CLGN: variants seen among roughly 807,000 people sequenced by gnomAD.
CLGN encodes the protein calmegin, also known as testis tissue sperm-binding protein Li 79P.
A neutral mutation model predicts 79.1 loss-of-function variants in CLGN; 62 were observed. That is an observed-to-expected ratio of 0.78 (90% CI 0.64 to 0.97). CLGN has a LOEUF of 0.97. CLGN is among the 50% of genes least tolerant of loss of function. The pLI is 0.00. For missense variants in CLGN, 647 were observed against 715.5 expected, an observed-to-expected ratio of 0.90 and a Z score of 1.09; for synonymous variants, 225 against 224.7, an observed-to-expected ratio of 1.00 and a Z score of -0.01.
intron 5 of CLGN, among the ~76,000 whole-genome samples, chr4:140,403,329 T>G (rs1386823805): frequency 1.3e-5 from 2 of 152,188 alleles, no homozygotes; most frequent in African/African-American, 4.8e-5. Context: ...GTTATGATGA[T>G]TAAAGGATAT....
chr4:140,395,782 T>A (rs746939880), intron 10 of CLGN, 37 bp downstream of exon 10: 1 of 1,354,578 alleles, frequency 7.4e-7, no homozygotes, highest in Non-Finnish European at 9.6e-7. Context: ...CACAACATTT[T>A]TAACTTCACT....
At chr4:140,413,486 T>C (rs1347100367) in intron 1 of CLGN, among the ~76,000 whole-genome samples, 3 of 152,076 alleles carry the variant, frequency 2.0e-5, no homozygotes, top group Admixed American at 6.5e-5. Context: ...TGGGCGCAGG[T>C]CAGTGGGTGC....
At position 140,412,867 on chromosome 4, in the gene CLGN, C is replaced by G. The variant is rs547817691; in HGVS notation, c.144+68G>C. ...AGATTATTTGAACTGAAATGAATCA[C>G]CAGAGGTCAATCACTTCATTGTACT... On this transcript the variant is annotated intron_variant, in intron 2 of 14. Transcript: ENST00000325617. The G allele has an allele frequency of 2.3e-4, 297 of 1,318,832 alleles. 1 individual carries two copies. In the East Asian group the frequency reaches 5.3e-3, roughly 24 times the overall value. 81.7% of individuals were successfully genotyped at this position (1,318,832 alleles called of 1,614,324 possible).
chr4:140,402,999 T>C (rs1367005172), intron 5 of CLGN, among the ~76,000 whole-genome samples: 1 of 152,078 alleles, frequency 6.6e-6, no homozygotes, highest in Non-Finnish European at 1.5e-5. Context: ...AGGTAAAACA[T>C]GATAGTATAC....
intron 13 of CLGN, among the ~76,000 whole-genome samples, chr4:140,391,366 CT>C (rs1252855284): frequency 6.6e-6 from 1 of 151,666 alleles, no homozygotes; most frequent in Non-Finnish European, 1.5e-5. Context: ...TAAATTCCCT[CT>C]AAATAAGGCT....
chr4:140,420,598 T>A (rs1430751043), intron 1 of CLGN, among the ~76,000 whole-genome samples: 1 of 152,044 alleles, frequency 6.6e-6, no homozygotes, highest in African/African-American at 2.4e-5. Flanking sequence ...TTCTGCGTAA[T>A]GCTGCAGTAT....
chr4:140,396,714 G>A (rs1338840270), intron 8 of CLGN, among the ~76,000 whole-genome samples: 5 of 150,896 alleles, frequency 3.3e-5, no homozygotes, highest in African/African-American at 7.3e-5. Flanking sequence ...CTGCCACCAC[G>A]CCTGGCTAAG....
In CLGN at chr4:140,406,061, C is replaced by T. The variant is rs774697259; in HGVS notation, c.300G>A (p.Leu100=). 3 of 1,611,856 alleles carry T rather than the reference C, an allele frequency of 1.9e-6. No homozygotes were observed. The highest frequency in any genetic ancestry group is 2.2e-5 in the East Asian group (1 of 44,752). ...IYDGRWEIEE[L]KENQVPGDRG... ...TGTCACCAGGTACCTGGTTTTCTTT[C>T]AACTCTTCAATTTCCCATCTTCCTA... The change falls in exon 5 of 15, where the codon TTG becomes TTA. Residue 100 remains leucine, a synonymous_variant. Transcript: ENST00000325617.
chr4:140,405,426 T>A (rs2116239), intron 5 of CLGN, among the ~76,000 whole-genome samples: 1 of 149,670 alleles, frequency 6.7e-6, no homozygotes, highest in African/African-American at 2.4e-5. Flanking sequence ...CCTCGTGATC[T>A]GCCCGCCTCG....
chr4:140,406,673 A>G (rs993432659), intron 4 of CLGN, among the ~76,000 whole-genome samples: 2 of 152,232 alleles, frequency 1.3e-5, no homozygotes, highest in Non-Finnish European at 2.9e-5. Context: ...ATAAGTGCTA[A>G]GCTACAACAA....
chr4:140,423,077 C>T lies in CLGN; in HGVS notation c.-10+4460G>A, dbSNP rs779903166. ...TTTTTCTTCCCTAATTTCTCTGGCT[C>T]GGGAGAAGTGGAAAAAGCAGGCATC... On this transcript the variant is annotated intron_variant, in intron 1 of 14. Coordinates refer to ENST00000325617, the MANE Select transcript of CLGN (RefSeq NM_004362.3). 1.6e-4 allele frequency among the ~76,000 whole-genome samples: 24 copies of T among 151,818 alleles called. No individual in the cohort carries two copies. The South Asian group carries it at 1.9e-3, about 12-fold the overall frequency.
chr4:140,396,882 T>TAC (rs1728892220), intron 8 of CLGN, among the ~76,000 whole-genome samples: 1 of 58,428 alleles, frequency 1.7e-5, no homozygotes, highest in Non-Finnish European at 2.9e-5. Flanking sequence ...TACATATATA[T>TAC]ATATATATGT....
chr4:140,402,078 G>C lies in CLGN; in HGVS notation c.420-12C>G. ...AATTTACTTCATATCTGAATAAAGG[G>C]AAAAAGAACCGTACTACTGATAAAT... On this transcript the variant is annotated splice_polypyrimidine_tract_variant and intron_variant, in intron 5 of 14. Transcript: ENST00000325617. 7.1e-7 allele frequency: 1 copy of C among 1,406,058 alleles called. No homozygotes were observed. Among genetic ancestry groups the C allele is most frequent in the Non-Finnish European group, 9.9e-7 (1 of 1,013,674 alleles). The allele number at this position is 1,406,058 out of a possible 1,614,324, so 87.1% of individuals were successfully genotyped here.
chr4:140,396,897 A>ACG (rs1728895569), intron 8 of CLGN, among the ~76,000 whole-genome samples: 1 of 75,444 alleles, frequency 1.3e-5, no homozygotes, highest in Admixed American at 1.9e-4. Context: ...ATATGTATAT[A>ACG]TATATATATG....
intron 1 of CLGN, among the ~76,000 whole-genome samples, chr4:140,417,805 C>A (rs1165421961): frequency 6.7e-6 from 1 of 149,172 alleles, no homozygotes. Flanking sequence ...CAATGCCATC[C>A]CCATCAAGCT....
rs112605307 is a variant in CLGN at position 140,400,496 on chromosome 4, A to G, written c.555T>C (p.Cys185=). The part of the protein sequence containing the change: ...SYIIMFGPDK[C]GEDYKLHFIF... The stretch of plus-strand genomic sequence containing the variant: ...TAAAATGAAGTTTATAATCTTCTCC[A>G]CATTTATCTGGTCCAAACATAATGA... The change falls in exon 7 of 15, where the codon TGT becomes TGC. Residue 185 remains cysteine (C), a synonymous_variant. Transcript: ENST00000325617. 1.1e-3 allele frequency: 1,779 copies of G among 1,605,852 alleles called. 18 individuals carry two copies. The African/African-American group carries it at 0.017, about 16-fold the overall frequency.
chr4:140,420,628 G>A (rs966499340), intron 1 of CLGN, among the ~76,000 whole-genome samples: 3 of 151,846 alleles, frequency 2.0e-5, no homozygotes, highest in Non-Finnish European at 2.9e-5. Flanking sequence ...CTTCAGTGCT[G>A]CACCAGCTGA....
intron 1 of CLGN, among the ~76,000 whole-genome samples, chr4:140,414,260 C>T (rs1203966911): frequency 3.9e-5 from 6 of 152,116 alleles, no homozygotes; most frequent in Non-Finnish European, 8.8e-5. Context: ...GAAAACAGAA[C>T]AGAAAAACTG....
intron 10 of CLGN, among the ~76,000 whole-genome samples, chr4:140,394,728 T>G (rs1728836466): frequency 6.6e-6 from 1 of 152,164 alleles, no homozygotes; most frequent in African/African-American, 2.4e-5. Context: ...ATGCTTTTAA[T>G]AAAAACTACA....
Sources: gnomAD v4.1 joint callset for allele counts (sites outside exome capture counted in the v4.1 genomes callset) on GRCh38, gnomAD v4.1.1 for gene constraint, MANE v1.5 for transcripts, NCBI Gene and HGNC (gene_info 2026-07-23, HGNC 2026-07-21) for gene names.